Variants in CEL observed in about 807,000 individuals in gnomAD.
The protein encoded by CEL is carboxyl ester lipase.
A neutral mutation model predicts 57.1 loss-of-function variants in CEL; 39 were observed. That is an observed-to-expected ratio of 0.68 (90% CI 0.53 to 0.89). The LOEUF is 0.89. CEL is among the 40% of genes least tolerant of loss of function. The probability of loss-of-function intolerance (pLI) is 0.00; values close to 1 mark genes in which losing one functional copy is unlikely to be tolerated. For synonymous variants in CEL, 314 were observed against 396.6 expected, an observed-to-expected ratio of 0.79 and a Z score of 2.48; for missense variants, 698 against 915.0, an observed-to-expected ratio of 0.76 and a Z score of 3.06.
rs1403573440 is a variant in CEL, at chr9:133,071,349, C to T, written c.1847C>T (p.Pro616Leu). Residue 616 changes from proline (P) to leucine (L), a missense_variant, in exon 11 of 11, where the codon CCG becomes CTG. By Grantham distance (98) the Pro-to-Leu change is moderately conservative. Transcript: ENST00000372080. ...GGTGACTCCGGGGCCCCCCCCGTGC[C>T]GCCCACGGGTGACTCCGGGGCCCCC... ...PTGDSGAPPV[P>L]PTGDSGAPPV... The T allele has an allele frequency of 1.4e-5, 3 of 219,852 alleles. No individual in the cohort carries two copies. Among genetic ancestry groups the T allele is most frequent in the Non-Finnish European group, 2.3e-5 (3 of 130,790 alleles). The allele number at this position is 219,852 out of a possible 1,614,324, so 13.6% of individuals were successfully genotyped here.
At chr9:133,067,052 G>T (rs1319187472) in intron 6 of CEL, 36 bp from the exon 7 acceptor site, 1 of 1,611,632 alleles carries the variant, frequency 6.2e-7, no homozygotes, top group Non-Finnish European at 8.5e-7. Context: ...CTGAGCTCCG[G>T]CCTCACCTAC....
Position 133,066,605 on chromosome 9 carries a change from C to G in CEL, c.614C>G (p.Pro205Arg). The G allele has an allele frequency of 1.2e-6, 2 of 1,613,900 alleles. No homozygotes were observed. The highest frequency in any genetic ancestry group is 1.7e-6 in the Non-Finnish European group (2 of 1,180,018). Reference protein sequence around the residue: ...KRNIAAFGGDPNNITLFGESA... With the variant: ...KRNIAAFGGDRNNITLFGESA... Reference sequence around the variant, plus strand: ...AATATCGCGGCCTTCGGGGGGGACCCCAACAACATCACGCTCTTCGGGGAG... The same window carrying G: ...AATATCGCGGCCTTCGGGGGGGACCGCAACAACATCACGCTCTTCGGGGAG... Residue 205 changes from proline to arginine, a missense_variant, in exon 5 of 11, where the codon CCC becomes CGC. Around this residue, in one of 6 missense-constraint regions of CEL, gnomAD observed 327 missense variants for 374.1 expected, o/e 0.87. Coordinates refer to ENST00000372080, the MANE Select transcript of CEL (RefSeq NM_001807.6). This position sits in a 1 kb window ranked among gnomAD's most constrained non-coding sequence, Gnocchi z 4.3.
At position 133,066,473 on chromosome 9, in the gene CEL, T is replaced by C; in HGVS notation, c.539-57T>C. ...CCCCACCTATGCTGATCTCCCCTCC[T>C]GGAGGCCAGGCCTGGGCCACTGGTC... On this transcript the variant is annotated intron_variant, in intron 4 of 10. Transcript: ENST00000372080. This position sits in a 1 kb window ranked among gnomAD's most constrained non-coding sequence, Gnocchi z 4.3. The C allele has an allele frequency of 6.2e-7, 1 of 1,610,934 alleles. No homozygotes were observed. The highest frequency in any genetic ancestry group is 8.5e-7 in the Non-Finnish European group (1 of 1,178,740).
At position 133,066,407 on chromosome 9, in the gene CEL, G is replaced by A; in HGVS notation, c.539-123G>A. On this transcript the variant is annotated intron_variant, in intron 4 of 10. Transcript: ENST00000372080. The surrounding 1 kb of genome is among the most constrained non-coding windows in gnomAD (Gnocchi z 4.3). ...CTTAGGGACCCACCATTTGCCAACT[G>A]GGGCTCTGCCATGGCCCCAACTCTG... 7.8e-7 allele frequency: 1 copy of A among 1,274,208 alleles called. No homozygotes were observed. The highest frequency in any genetic ancestry group is 2.4e-5 in the East Asian group (1 of 41,772). 78.9% of individuals were successfully genotyped at this position (1,274,208 alleles called of 1,614,324 possible). A position where few individuals can be genotyped will look rare whatever the true frequency, so the allele number is the denominator to read the frequency against.
rs777913068 is a variant in CEL, at chr9:133,070,576, G to A, written c.1402G>A (p.Ala468Thr). Residue 468 changes from alanine to threonine, a missense_variant, in exon 10 of 11, where the codon GCC (alanine) becomes ACC (threonine). Ala to Thr is a moderately conservative substitution (Grantham distance 58). Around this residue, in one of 6 missense-constraint regions of CEL, gnomAD observed 111 missense variants for 147.3 expected, o/e 0.75. Coordinates refer to ENST00000372080, the MANE Select transcript of CEL (RefSeq NM_001807.6). ...TCAGTACGTTTTCGGGAAGCCCTTC[G>A]CCACCCCCACGGGCTACCGGCCCCA... is the stretch of plus-strand genomic sequence containing the variant. ...DIQYVFGKPFATPTGYRPQDR... is the reference protein window; with the variant it reads ...DIQYVFGKPFTTPTGYRPQDR... 27 of 1,613,892 alleles carry A rather than the reference G, an allele frequency of 1.7e-5. No homozygotes were observed. Among genetic ancestry groups the A allele is most frequent in the Middle Eastern group, 1.6e-4 (1 of 6,062 alleles).
rs1387746379 is a variant in CEL at position 133,071,570 on chromosome 9, C to G, written c.2068C>G (p.Pro690Ala). 19 of 996,562 alleles carry G rather than the reference C, an allele frequency of 1.9e-5. No individual in the cohort carries two copies. Among genetic ancestry groups the G allele is most frequent in the South Asian group, 6.8e-5 (5 of 73,746 alleles). The allele number at this position is 996,562 out of a possible 1,614,324, so 61.7% of individuals were successfully genotyped here. A position where few individuals can be genotyped will look rare whatever the true frequency, so the allele number is the denominator to read the frequency against. Reference sequence around the variant, plus strand: ...GCCGCCCACGGGTGACTCCGGCGCCCCCCCCGTGCCGCCCACGGGTGACTC... The same window carrying G: ...GCCGCCCACGGGTGACTCCGGCGCCGCCCCCGTGCCGCCCACGGGTGACTC... ...PVPPTGDSGA[P>A]PVPPTGDSGA... Residue 690 changes from proline to alanine, a missense_variant, in exon 11 of 11, where the codon CCC becomes GCC. By Grantham distance (27) the Pro-to-Ala change is conservative. Coordinates refer to ENST00000372080, the MANE Select transcript of CEL (RefSeq NM_001807.6).
rs746774487 is a variant in CEL at position 133,071,788 on chromosome 9, G to A, written c.*24G>A. 1.9e-5 allele frequency: 31 copies of A among 1,606,730 alleles called. No homozygotes were observed. Among genetic ancestry groups the A allele is most frequent in the Non-Finnish European group, 2.6e-5 (31 of 1,174,760 alleles). On this transcript the variant is annotated 3_prime_UTR_variant, in exon 11 of 11. Transcript: ENST00000372080. ...AGCGTCCCATGAGCCTTGGTATCAA[G>A]AGGCCACAAGAGTGGGACCCCAGGG... is the stretch of plus-strand genomic sequence containing the variant.
In CEL at chr9:133,066,519, C is replaced by A. The variant is rs1006641512; in HGVS notation, c.539-11C>A. On this transcript the variant is annotated splice_polypyrimidine_tract_variant and intron_variant, in intron 4 of 10. Coordinates refer to ENST00000372080, the MANE Select transcript of CEL (RefSeq NM_001807.6). The surrounding 1 kb of genome is among the most constrained non-coding windows in gnomAD (Gnocchi z 4.3). ...TGGTCTCTAGCACCCCCTCCCCTGCCCTGCCCCCAGGTAACTATGGCCTTC... is the reference window on the plus strand; with the variant it reads ...TGGTCTCTAGCACCCCCTCCCCTGCACTGCCCCCAGGTAACTATGGCCTTC... 9 of 1,613,984 alleles carry A rather than the reference C, an allele frequency of 5.6e-6. No individual in the cohort carries two copies. Among genetic ancestry groups the A allele is most frequent in the Non-Finnish European group, 7.6e-6 (9 of 1,180,022 alleles).
At chr9:133,070,888 A>C in intron 10 of CEL, 99 bp from the exon 11 acceptor site, 9 of 1,435,704 alleles carry the variant, frequency 6.3e-6, no homozygotes, top group Non-Finnish European at 7.7e-6. Flanking sequence ...GCCCAGGGCC[A>C]GCTCAGAGGG....
Position 133,067,083 on chromosome 9 carries a change from C to T in CEL, c.778-5C>T, listed in dbSNP as rs1370015296. 6.2e-7 allele frequency: 1 copy of T among 1,614,012 alleles called. No individual in the cohort carries two copies. The highest frequency in any genetic ancestry group is 8.5e-7 in the Non-Finnish European group (1 of 1,179,880). The stretch of plus-strand genomic sequence containing the variant: ...CCTACCTGCTGGCCTTGGTTCTGCC[C>T]CCAGGTGGCTGAGAAGGTGGGTTGC... On this transcript the variant is annotated splice_region_variant and splice_polypyrimidine_tract_variant and intron_variant, in intron 6 of 10. Transcript: ENST00000372080.
At chr9:133,067,636 G>C (rs1830202007) in intron 7 of CEL, among the ~76,000 whole-genome samples, 1 of 152,162 alleles carries the variant, frequency 6.6e-6, no homozygotes, top group Non-Finnish European at 1.5e-5. Context: ...GCCTCCCAAA[G>C]TGCTGGAATT....
intron 1 of CEL, among the ~76,000 whole-genome samples, chr9:133,063,516 A>C (rs1830124913): frequency 6.6e-6 from 1 of 151,986 alleles, no homozygotes; most frequent in African/African-American, 2.4e-5. Flanking sequence ...GCCCTTCCCC[A>C]CCTGGAACCT....
Position 133,070,604 on chromosome 9 carries a change from A to G in CEL, c.1430A>G (p.Asp477Gly). 1 of 1,614,128 alleles carries G rather than the reference A, an allele frequency of 6.2e-7. No individual in the cohort carries two copies. The highest frequency in any genetic ancestry group is 1.1e-5 in the South Asian group (1 of 91,084). ...ACCCCCACGGGCTACCGGCCCCAAG[A>G]CAGGACAGTCTCTAAGGCCATGATC... Reference protein sequence around the residue: ...FATPTGYRPQDRTVSKAMIAY... With the variant: ...FATPTGYRPQGRTVSKAMIAY... Residue 477 changes from aspartate (D) to glycine (G), a missense_variant, in exon 10 of 11, where the codon GAC (aspartate) becomes GGC (glycine). Transcript: ENST00000372080.
At position 133,064,450 on chromosome 9, in the gene CEL, A is replaced by C; in HGVS notation, c.113A>C (p.Lys38Thr). Residue 38 changes from lysine to threonine, a missense_variant, in exon 2 of 11, where the codon AAG (lysine) becomes ACG (threonine). By Grantham distance (78) the Lys-to-Thr change is moderately conservative. This residue lies in a region of CEL where 327 missense variants were observed against 374.1 expected (regional missense o/e 0.87). Transcript: ENST00000372080. ...TEGGFVEGVN[K>T]KLGLLGDSVD... is the part of the protein sequence containing the mutation. ...GGTGGGTTCGTGGAAGGCGTCAATAAGAAGCTCGGCCTCCTGGGTGACTCT... is the reference window on the plus strand; with the variant it reads ...GGTGGGTTCGTGGAAGGCGTCAATACGAAGCTCGGCCTCCTGGGTGACTCT... The C allele has an allele frequency of 6.2e-7, 1 of 1,614,136 alleles. No individual in the cohort carries two copies. The highest frequency in any genetic ancestry group is 1.1e-5 in the South Asian group (1 of 91,080).
In CEL at chr9:133,070,791, T is replaced by C. The variant is rs548301698; in HGVS notation, c.1484+133T>C. On this transcript the variant is annotated intron_variant, in intron 10 of 10. Transcript: ENST00000372080. ...TAACCTCCCCCTGCATCGGAATCCA[T>C]GTGTGTTTGAGGATGAGAGTTACTG... 46 of 1,281,086 alleles carry C rather than the reference T, an allele frequency of 3.6e-5. No individual in the cohort carries two copies. The African/African-American group carries it at 6.6e-4, about 18-fold the overall frequency. The allele number at this position is 1,281,086 out of a possible 1,614,324, so 79.4% of individuals were successfully genotyped here.
In CEL at chr9:133,070,449, T is replaced by G. The variant is rs1564213037; in HGVS notation, c.1287-12T>G. Reference sequence around the variant, plus strand: ...GAGCACCCTGCCTACTTGGGTGGTCTCTCCCCTCCAGGAGTGCCAAGACCT... The same window carrying G: ...GAGCACCCTGCCTACTTGGGTGGTCGCTCCCCTCCAGGAGTGCCAAGACCT... On this transcript the variant is annotated splice_polypyrimidine_tract_variant and intron_variant, in intron 9 of 10. Coordinates refer to ENST00000372080, the MANE Select transcript of CEL (RefSeq NM_001807.6). The G allele has an allele frequency of 6.2e-7, 1 of 1,610,856 alleles. No individual in the cohort carries two copies. The highest frequency in any genetic ancestry group is 8.5e-7 in the Non-Finnish European group (1 of 1,178,532).
intron 1 of CEL, among the ~76,000 whole-genome samples, chr9:133,063,824 G>A (rs12341761): frequency 1.2e-3 from 178 of 152,232 alleles, no homozygotes; most frequent in African/African-American, 3.8e-3. Flanking sequence ...TTACCAGCAG[G>A]GGGCTCAGGA....
rs888340815 is a variant in CEL, at chr9:133,066,508, C to T, written c.539-22C>T. ...GCCTGGGCCACTGGTCTCTAGCACC[C>T]CCTCCCCTGCCCTGCCCCCAGGTAA... On this transcript the variant is annotated intron_variant, in intron 4 of 10. Coordinates refer to ENST00000372080, the MANE Select transcript of CEL (RefSeq NM_001807.6). This position sits in a 1 kb window ranked among gnomAD's most constrained non-coding sequence, Gnocchi z 4.3. The T allele has an allele frequency of 2.5e-6, 4 of 1,613,646 alleles. No individual in the cohort carries two copies. In the African/African-American group the frequency reaches 4.0e-5, roughly 16 times the overall value.
At position 133,064,338 on chromosome 9, in the gene CEL, T is replaced by G; in HGVS notation, c.67-66T>G. 2.5e-6 allele frequency: 4 copies of G among 1,604,094 alleles called. No individual in the cohort carries two copies. In the East Asian group the frequency reaches 8.9e-5, roughly 36 times the overall value. ...CTGGGCACGCGGAGTCGGCTTGCCT[T>G]GCCCCCTCCGGATTCAGGCCGATGG... is the stretch of plus-strand genomic sequence containing the variant. On this transcript the variant is annotated intron_variant, in intron 1 of 10. Transcript: ENST00000372080.
Sources: gnomAD v4.1 joint callset for allele counts (sites outside exome capture counted in the v4.1 genomes callset) on GRCh38, gnomAD v4.1.1 for gene constraint, gnomAD v4.1.1 regional missense constraint, Gnocchi (gnomAD v3.1) non-coding constraint, MANE v1.5 for transcripts, NCBI Gene and HGNC (gene_info 2026-07-23, HGNC 2026-07-21) for gene names.